CNTNAP5: variants seen among roughly 807,000 people sequenced by gnomAD.
CNTNAP5 encodes contactin associated protein family member 5.
A neutral mutation model predicts 150.2 loss-of-function variants in CNTNAP5; 72 were observed. The observed-to-expected ratio is 0.48, with a 90% CI of 0.40 to 0.58. CNTNAP5 has a LOEUF of 0.58. Ranked by LOEUF, CNTNAP5 falls within the 20% of genes least tolerant of loss-of-function variation. The pLI is 0.00. For synonymous variants in CNTNAP5, 672 were observed against 619.8 expected (o/e 1.08, Z -1.25); for missense variants, 1,636 against 1,626.2 (o/e 1.01, Z -0.10).
chr2:124,435,734 C>T (rs1183390721), intron 5 of CNTNAP5, among the ~76,000 whole-genome samples: 1 of 152,092 alleles, frequency 6.6e-6, no homozygotes, highest in Non-Finnish European at 1.5e-5. Flanking sequence ...GCTGGAGAGA[C>T]ATAAGGATGA....
chr2:124,539,576 T>G (rs1695328319), intron 10 of CNTNAP5, among the ~76,000 whole-genome samples: 1 of 152,200 alleles, frequency 6.6e-6, no homozygotes, highest in African/African-American at 2.4e-5. Context: ...CCCCTAGTTG[T>G]CAAATGTAGA....
At chr2:124,502,468 T>C (rs73956306) in intron 7 of CNTNAP5, among the ~76,000 whole-genome samples, 6,099 of 152,298 alleles carry the variant, frequency 0.04, 144 homozygotes, top group Non-Finnish European at 0.042. Flanking sequence ...TGCAACCTCC[T>C]ATGCCTTTGC....
In CNTNAP5 at chr2:124,623,132, A is replaced by G. The variant is rs139025936; in HGVS notation, c.1876+13212A>G. 2.2e-4 allele frequency among the ~76,000 whole-genome samples: 33 copies of G among 152,268 alleles called. No individual in the cohort carries two copies. The East Asian group carries it at 4.2e-3, about 20-fold the overall frequency. On this transcript the variant is annotated intron_variant, in intron 12 of 23. Transcript: ENST00000682447. The stretch of plus-strand genomic sequence containing the variant: ...TATGTTGAATCAATATTCATTGGTT[A>G]TCTGTTCTGGCCAGGCACTGACAAG...
At chr2:124,752,630 A>G (rs1391967641) in intron 14 of CNTNAP5, among the ~76,000 whole-genome samples, 1 of 152,202 alleles carries the variant, frequency 6.6e-6, no homozygotes, top group Non-Finnish European at 1.5e-5. Flanking sequence ...TGAAAAAGGA[A>G]TAAATGAAGG....
At chr2:124,345,298 C>T (rs891283230) in intron 3 of CNTNAP5, among the ~76,000 whole-genome samples, 4 of 152,130 alleles carry the variant, frequency 2.6e-5, no homozygotes, top group East Asian at 1.9e-4. Context: ...TTTTCATCAC[C>T]TCTGTGATGG....
At position 124,706,916 on chromosome 2, in the gene CNTNAP5, G is replaced by GA. The variant is rs1553433573; in HGVS notation, c.2078-40312dup. On this transcript the variant is annotated intron_variant, in intron 13 of 23. Transcript: ENST00000682447. ...GAGGAAGAAGAAGGAGGAGGAGGAGGAGAAGAAGAAGAAGAAGAAGAAGAA... is the reference window on the plus strand; with the variant it reads ...GAGGAAGAAGAAGGAGGAGGAGGAGGAAGAAGAAGAAGAAGAAGAAGAAGAA... 1.8e-3 allele frequency among the ~76,000 whole-genome samples: 55 copies of GA among 30,018 alleles called. 1 individual carries two copies. Among genetic ancestry groups the GA allele is most frequent in the East Asian group, 5.8e-3 (6 of 1,032 alleles). 19.7% of individuals were successfully genotyped at this position (30,018 alleles called of 152,430 possible). A position where few individuals can be genotyped will look rare whatever the true frequency, so the allele number is the denominator to read the frequency against.
chr2:124,862,067 G>T (rs1348318114), intron 19 of CNTNAP5, among the ~76,000 whole-genome samples: 2 of 152,180 alleles, frequency 1.3e-5, no homozygotes, highest in Admixed American at 6.5e-5. Context: ...GCCTGCCTTG[G>T]CCTCCCAAAG....
intron 3 of CNTNAP5, among the ~76,000 whole-genome samples, chr2:124,316,737 A>G (rs1057095300): frequency 1.3e-4 from 19 of 144,404 alleles, no homozygotes; most frequent in Non-Finnish European, 2.6e-4. Flanking sequence ...CCCAGGAGGC[A>G]GAGCTTGCAG....
At chr2:124,080,012 C>T (rs1258528647) in intron 1 of CNTNAP5, among the ~76,000 whole-genome samples, 1 of 152,146 alleles carries the variant, frequency 6.6e-6, no homozygotes, top group African/African-American at 2.4e-5. Context: ...GTCATTGTTA[C>T]TTTTCATTGT....
rs564322207 is a variant in CNTNAP5 at position 124,591,148 on chromosome 2, C to A, written c.1757-18653C>A. Among the ~76,000 whole-genome samples the A allele has an allele frequency of 6.6e-5, 10 of 152,256 alleles. 1 individual carries two copies. The highest frequency in any genetic ancestry group is 2.4e-4 in the African/African-American group (10 of 41,548). On this transcript the variant is annotated intron_variant, in intron 11 of 23. Coordinates refer to ENST00000682447, the MANE Select transcript of CNTNAP5 (RefSeq NM_001367498.1). ...CTTTCTGAGTACCCCTAATACCAGA[C>A]CTTCAAATGCAACAATAGGTTTACT...
intron 1 of CNTNAP5, among the ~76,000 whole-genome samples, chr2:124,124,356 TAG>T (rs1488790315): frequency 4.6e-5 from 7 of 152,016 alleles, no homozygotes; most frequent in Admixed American, 4.6e-4. Flanking sequence ...AAGAGAAGTT[TAG>T]AGAAAAAAAG....
At chr2:124,687,714 C>T (rs1260372923) in intron 13 of CNTNAP5, among the ~76,000 whole-genome samples, 1 of 151,764 alleles carries the variant, frequency 6.6e-6, no homozygotes, top group East Asian at 1.9e-4. Context: ...TGAAAAATAG[C>T]TATTTTCCTT....
chr2:124,872,192 AATAAAG>A (rs1309558459), intron 21 of CNTNAP5, among the ~76,000 whole-genome samples: 1 of 152,038 alleles, frequency 6.6e-6, no homozygotes. Context: ...CATGGCTATT[AATAAAG>A]ATAATTTGTT....
intron 3 of CNTNAP5, among the ~76,000 whole-genome samples, chr2:124,318,312 TA>T (rs1206610737): frequency 6.6e-6 from 1 of 152,220 alleles, no homozygotes; most frequent in African/African-American, 2.4e-5. Flanking sequence ...AGTGTTAAGC[TA>T]GAAACTGCTG....
At chr2:124,130,829 T>A (rs891609898) in intron 1 of CNTNAP5, among the ~76,000 whole-genome samples, 2 of 152,188 alleles carry the variant, frequency 1.3e-5, no homozygotes, top group Non-Finnish European at 2.9e-5. Flanking sequence ...CTCGGTAATG[T>A]ACTGTGGTCA....
At chr2:124,839,596 T>C (rs528196067) in intron 19 of CNTNAP5, among the ~76,000 whole-genome samples, 1 of 152,234 alleles carries the variant, frequency 6.6e-6, no homozygotes, top group South Asian at 2.1e-4. Context: ...CATCCCTTCA[T>C]TGAGAGCTGC....
chr2:124,247,020 C>T (rs1360502580), intron 3 of CNTNAP5, among the ~76,000 whole-genome samples: 1 of 152,046 alleles, frequency 6.6e-6, no homozygotes, highest in African/African-American at 2.4e-5. Context: ...CATTTGTTAC[C>T]TGGCAGTTTT....
chr2:124,078,271 A>G (rs1164588181), intron 1 of CNTNAP5, among the ~76,000 whole-genome samples: 1 of 152,208 alleles, frequency 6.6e-6, no homozygotes, highest in East Asian at 1.9e-4. Flanking sequence ...ATTTAACAAT[A>G]TGTTCTGAAC....
chr2:124,584,919 A>G (rs180703043), intron 11 of CNTNAP5, among the ~76,000 whole-genome samples: 1 of 152,356 alleles, frequency 6.6e-6, no homozygotes, highest in East Asian at 1.9e-4. Context: ...CATCAGATTT[A>G]CAGATAGAGC....
Sources: gnomAD v4.1 joint callset for allele counts (sites outside exome capture counted in the v4.1 genomes callset) on GRCh38, gnomAD v4.1.1 for gene constraint, MANE v1.5 for transcripts, NCBI Gene and HGNC (gene_info 2026-07-23, HGNC 2026-07-21) for gene names.